The following GTF3C1 variants were observed in gnomAD, a reference collection of about 807,000 sequenced individuals.
GTF3C1 encodes general transcription factor IIIC subunit 1.
A neutral mutation model predicts 226.7 loss-of-function variants in GTF3C1; 57 were observed. The observed-to-expected ratio is 0.25, with a 90% CI of 0.20 to 0.31. The LOEUF is 0.31. GTF3C1 is among the 10% of genes least tolerant of loss of function. The probability of loss-of-function intolerance (pLI) is 1.00; values close to 1 mark genes in which losing one functional copy is unlikely to be tolerated. For synonymous variants in GTF3C1, 1,090 were observed against 1,084.8 expected (o/e 1.00, Z -0.09); for missense variants, 2,217 against 2,776.1 (o/e 0.80, Z 4.53).
chr16:27,474,031 C>T (rs887156739), intron 29 of GTF3C1, among the ~76,000 whole-genome samples: 4 of 152,154 alleles, frequency 2.6e-5, no homozygotes, highest in African/African-American at 9.7e-5. Context: ...TATCGTCCAC[C>T]CACTCACATT....
intron 2 of GTF3C1, among the ~76,000 whole-genome samples, chr16:27,539,604 G>C (rs1164484190): frequency 6.6e-6 from 1 of 152,212 alleles, no homozygotes; most frequent in Non-Finnish European, 1.5e-5. Flanking sequence ...TCGTTCCTTG[G>C]CATCAAGTTA....
rs769435780 is a variant in GTF3C1, at chr16:27,549,684, T to G, written c.207A>C (p.Leu69=). ...FYEEPRERPD[L]QLQDRYEEID... The stretch of plus-strand genomic sequence containing the variant: ...CGCCCGCTGACCGGTCCTGGAGCTG[T>G]AGGTCGGGTCGCTCCCGAGGCTCCT... Residue 69 remains leucine, a synonymous_variant, in exon 1 of 37, where the codon CTA becomes CTC. Coordinates refer to ENST00000356183, the MANE Select transcript of GTF3C1 (RefSeq NM_001520.4). 7.4e-7 allele frequency: 1 copy of G among 1,356,606 alleles called. No homozygotes were observed. The highest frequency in any genetic ancestry group is 9.8e-7 in the Non-Finnish European group (1 of 1,017,918). The allele number at this position is 1,356,606 out of a possible 1,614,324, so 84.0% of individuals were successfully genotyped here. A position where few individuals can be genotyped will look rare whatever the true frequency, so the allele number is the denominator to read the frequency against.
chr16:27,510,503 A>ACTGAGAT (rs1406853927), intron 7 of GTF3C1, among the ~76,000 whole-genome samples: 1 of 152,082 alleles, frequency 6.6e-6, no homozygotes, highest in Non-Finnish European at 1.5e-5. Flanking sequence ...GCTGCAGTGA[A>ACTGAGAT]CTGAGATACC....
chr16:27,498,508 C>A, intron 13 of GTF3C1, 122 bp downstream of exon 13: 1 of 718,346 alleles, frequency 1.4e-6, no homozygotes, highest in Non-Finnish European at 2.6e-6. Flanking sequence ...GAACCATGAA[C>A]TCCAAACCAA....
At chr16:27,497,872 G>C in intron 13 of GTF3C1, 51 bp from the exon 14 acceptor site, 2 of 1,450,666 alleles carry the variant, frequency 1.4e-6, no homozygotes, top group Non-Finnish European at 1.9e-6. Flanking sequence ...CAAGGGCTAA[G>C]AGAAAGGACA....
intron 14 of GTF3C1, among the ~76,000 whole-genome samples, chr16:27,497,181 C>T (rs1453942822): frequency 6.6e-6 from 1 of 152,184 alleles, no homozygotes; most frequent in African/African-American, 2.4e-5. Context: ...CTGCCTTGTT[C>T]AGCACAAGTT....
At chr16:27,499,743 T>C (rs2088376927) in intron 12 of GTF3C1, among the ~76,000 whole-genome samples, 1 of 151,702 alleles carries the variant, frequency 6.6e-6, no homozygotes, top group Non-Finnish European at 1.5e-5. Context: ...AAGGGAGAAA[T>C]ATACAGCATT....
rs1382375714 is a variant in GTF3C1, at chr16:27,498,551, G to C, written c.2165+79C>G. The C allele has an allele frequency of 9.9e-5, 78 of 791,264 alleles. No individual in the cohort carries two copies. The Admixed American group carries it at 1.3e-3, about 13-fold the overall frequency. The allele number at this position is 791,264 out of a possible 1,614,324, so 49.0% of individuals were successfully genotyped here. On this transcript the variant is annotated intron_variant, in intron 13 of 36. Coordinates refer to ENST00000356183, the MANE Select transcript of GTF3C1 (RefSeq NM_001520.4). ...ACTGATCCATGCAGGTATAAAGAAA[G>C]GGCTCTTCTGGATTGCTGTAGGCTG...
intron 2 of GTF3C1, among the ~76,000 whole-genome samples, chr16:27,543,506 G>A (rs1167319456): frequency 6.6e-6 from 1 of 152,150 alleles, no homozygotes; most frequent in Non-Finnish European, 1.5e-5. Context: ...TCCCCCCATC[G>A]CAGTCTCCCA....
rs2087852477 is a variant in GTF3C1 at position 27,470,531 on chromosome 16, T to TC, written c.4527-137dup. On this transcript the variant is annotated intron_variant, in intron 30 of 36. Transcript: ENST00000356183. The surrounding 1 kb of genome is among the most constrained non-coding windows in gnomAD (Gnocchi z 4.9). ...CCCACTTCTTCCCTAAAGCTCTCTG[T>TC]CCCATCCCAGATGAAGGTGCTGCAT... 5.8e-6 allele frequency: 4 copies of TC among 694,768 alleles called. No individual in the cohort carries two copies. Among genetic ancestry groups the TC allele is most frequent in the Non-Finnish European group, 9.9e-6 (4 of 405,572 alleles). The allele number at this position is 694,768 out of a possible 1,614,324, so 43.0% of individuals were successfully genotyped here.
At chr16:27,493,846 C>T (rs1042245261) in intron 16 of GTF3C1, among the ~76,000 whole-genome samples, 3 of 151,876 alleles carry the variant, frequency 2.0e-5, no homozygotes, top group African/African-American at 7.3e-5. Context: ...AATATCAAGT[C>T]TAAAAAGTTA....
chr16:27,540,758 T>C (rs1291689949), intron 2 of GTF3C1, among the ~76,000 whole-genome samples: 1 of 152,170 alleles, frequency 6.6e-6, no homozygotes, highest in East Asian at 1.9e-4. Flanking sequence ...TAAAATGTCA[T>C]AGATGAGGAG....
Position 27,533,316 on chromosome 16 carries a change from G to A in GTF3C1, c.824C>T (p.Thr275Met), listed in dbSNP as rs142959385. The change falls in exon 5 of 37, where the codon ACG (threonine) becomes ATG (methionine). Residue 275 changes from threonine to methionine, a missense_variant. Around this residue, in one of 12 missense-constraint regions of GTF3C1, gnomAD observed 163 missense variants for 234.3 expected, o/e 0.70. Coordinates refer to ENST00000356183, the MANE Select transcript of GTF3C1 (RefSeq NM_001520.4). ...CAGCTCTTCCCTCAGCTTTCCCAGC[G>A]TCTCTATGTGGTTAGTCCGTGTGCT... Reference protein sequence around the residue: ...MLSTRTNHIETLGKLREELGL... With the variant: ...MLSTRTNHIEMLGKLREELGL... 2.4e-4 allele frequency: 389 copies of A among 1,599,554 alleles called. No individual in the cohort carries two copies. The highest frequency in any genetic ancestry group is 3.0e-4 in the Non-Finnish European group (349 of 1,166,914).
At chr16:27,529,945 A>G (rs372094922) in intron 5 of GTF3C1, among the ~76,000 whole-genome samples, 23 of 152,352 alleles carry the variant, frequency 1.5e-4, no homozygotes, top group African/African-American at 3.6e-4. Flanking sequence ...TCCTGTATCA[A>G]AAATTTATTT....
At chr16:27,484,823 C>T (rs914378337) in intron 24 of GTF3C1, among the ~76,000 whole-genome samples, 6 of 152,202 alleles carry the variant, frequency 3.9e-5, no homozygotes, top group African/African-American at 1.4e-4. Flanking sequence ...GTCAATAACA[C>T]AGGAAGGCAA....
chr16:27,530,952 T>C (rs1477937341), intron 5 of GTF3C1, among the ~76,000 whole-genome samples: 1 of 152,176 alleles, frequency 6.6e-6, no homozygotes, highest in South Asian at 2.1e-4. Flanking sequence ...CACGTCCTGT[T>C]AGTTTCACCT....
chr16:27,488,149 G>T, intron 23 of GTF3C1, 78 bp downstream of exon 23: 1 of 1,302,702 alleles, frequency 7.7e-7, no homozygotes, highest in Non-Finnish European at 1.1e-6. Flanking sequence ...GCTCAGGCCT[G>T]GCTGGAGTGA....
chr16:27,495,991 T>C (rs2088310179), intron 14 of GTF3C1, among the ~76,000 whole-genome samples: 1 of 152,242 alleles, frequency 6.6e-6, no homozygotes, highest in African/African-American at 2.4e-5. Flanking sequence ...ACATCTCATG[T>C]TGGCATGTGA....
chr16:27,495,434 G>A lies in GTF3C1; in HGVS notation c.2409C>T (p.Val803=). 6.2e-7 allele frequency: 1 copy of A among 1,614,044 alleles called. No homozygotes were observed. The highest frequency in any genetic ancestry group is 8.5e-7 in the Non-Finnish European group (1 of 1,179,940). The part of the protein sequence containing the change: ...FLPKMPRLRV[V]HMFLWYLIYG... ...AGATGAGGTACCACAGAAACATGTGGACCACCCGCAGGCGAGGCATTTTGG... is the reference window on the plus strand; with the variant it reads ...AGATGAGGTACCACAGAAACATGTGAACCACCCGCAGGCGAGGCATTTTGG... The change falls in exon 15 of 37, where the codon GTC becomes GTT. Residue 803 remains valine (V), a synonymous_variant. Transcript: ENST00000356183.
Sources: allele counts gnomAD v4.1 joint callset (sites outside exome capture counted in the v4.1 genomes callset), GRCh38; gene constraint gnomAD v4.1.1; regional missense constraint gnomAD v4.1.1; non-coding constraint Gnocchi (gnomAD v3.1); transcripts MANE v1.5; gene names NCBI Gene and HGNC (gene_info 2026-07-23, HGNC 2026-07-21).